PDE4B: variants seen among roughly 807,000 people sequenced by gnomAD.
The protein encoded by PDE4B is phosphodiesterase 4B, also known as 3',5'-cyclic-AMP phosphodiesterase 4B.
In PDE4B, 20 loss-of-function variants were observed where a neutral mutation model predicts 82.2. The ratio of observed to expected loss-of-function variants is 0.24; its 90% CI spans 0.17 to 0.35. The LOEUF (loss-of-function observed/expected upper bound fraction) is 0.35. Among genes scored for constraint, PDE4B ranks in the 10% least tolerant of loss-of-function variants. PDE4B has a pLI of 1.00. For missense variants in PDE4B, 655 were observed against 907.2 expected (o/e 0.72, Z 3.57); for synonymous variants, 320 against 318.9 (o/e 1.00, Z -0.04).
chr1:66,203,082 T>G (rs569457106), intron 3 of PDE4B, among the ~76,000 whole-genome samples: 85 of 146,754 alleles, frequency 5.8e-4, no homozygotes, highest in Non-Finnish European at 1.2e-3. Context: ...GTCTGTAAAG[T>G]ATTTTATTTC....
intron 3 of PDE4B, among the ~76,000 whole-genome samples, chr1:66,209,694 G>T (rs1053908465): frequency 3.9e-5 from 6 of 152,024 alleles, no homozygotes; most frequent in African/African-American, 1.4e-4. Context: ...CTTACTCCTT[G>T]CCCCAGGCTA....
intron 1 of PDE4B, among the ~76,000 whole-genome samples, chr1:65,849,664 A>T (rs911660663): frequency 5.3e-5 from 8 of 152,138 alleles, no homozygotes; most frequent in African/African-American, 1.9e-4. Context: ...GAAGCTGGCC[A>T]TGAGAACATG....
At chr1:66,151,814 C>T (rs1269672255) in intron 3 of PDE4B, among the ~76,000 whole-genome samples, 1 of 152,148 alleles carries the variant, frequency 6.6e-6, no homozygotes, top group South Asian at 2.1e-4. Context: ...ACATAGTAGA[C>T]ACTCAATAAA....
chr1:66,279,482 A>C (rs1316898220), intron 7 of PDE4B, among the ~76,000 whole-genome samples: 1 of 152,136 alleles, frequency 6.6e-6, no homozygotes, highest in Non-Finnish European at 1.5e-5. Context: ...AAAATTAGCC[A>C]GATGTGGTGG....
At chr1:65,899,127 C>A (rs1646943246) in intron 1 of PDE4B, among the ~76,000 whole-genome samples, 1 of 151,306 alleles carries the variant, frequency 6.6e-6, no homozygotes, top group Non-Finnish European at 1.5e-5. Context: ...AAGAAAAAAA[C>A]AAAAAAATCC....
At chr1:65,944,991 G>T (rs1648634729) in intron 3 of PDE4B, among the ~76,000 whole-genome samples, 1 of 151,950 alleles carries the variant, frequency 6.6e-6, no homozygotes, top group Admixed American at 6.6e-5. Flanking sequence ...GATCATCAAG[G>T]AAAGTTAAGG....
intron 3 of PDE4B, among the ~76,000 whole-genome samples, chr1:66,107,137 G>A (rs1645380404): frequency 2.0e-5 from 3 of 150,728 alleles, no homozygotes; most frequent in South Asian, 2.1e-4. Flanking sequence ...GGTATGTTGT[G>A]TCTTTGTTCT....
At chr1:66,294,940 G>A (rs1401412038) in intron 7 of PDE4B, among the ~76,000 whole-genome samples, 1 of 152,132 alleles carries the variant, frequency 6.6e-6, no homozygotes, top group African/African-American at 2.4e-5. Context: ...AAACATAGCT[G>A]GCTCAGAGAA....
intron 3 of PDE4B, among the ~76,000 whole-genome samples, chr1:66,103,196 G>A (rs1645261149): frequency 6.6e-6 from 1 of 152,126 alleles, no homozygotes. Flanking sequence ...GTTGAAATGA[G>A]TTGTTGCTAT....
chr1:65,847,396 A>G (rs903166219), intron 1 of PDE4B, among the ~76,000 whole-genome samples: 1 of 152,202 alleles, frequency 6.6e-6, no homozygotes, highest in Non-Finnish European at 1.5e-5. Context: ...CATGACAGCT[A>G]TGGCTGGGGC....
intron 7 of PDE4B, among the ~76,000 whole-genome samples, chr1:66,314,004 G>A (rs952797891): frequency 6.6e-6 from 1 of 152,030 alleles, no homozygotes; most frequent in Non-Finnish European, 1.5e-5. Context: ...TTCTGCTCTT[G>A]TGTCCCACTC....
At chr1:65,969,327 C>T (rs1257467706) in intron 3 of PDE4B, among the ~76,000 whole-genome samples, 6 of 152,070 alleles carry the variant, frequency 3.9e-5, no homozygotes, top group African/African-American at 1.2e-4. Flanking sequence ...GTGGTTATAT[C>T]CAGTTATAAA....
Position 65,937,352 on chromosome 1 carries a change from G to C in PDE4B, c.281+18517G>C, listed in dbSNP as rs1195147095. On this transcript the variant is annotated intron_variant, in intron 3 of 16. Coordinates refer to ENST00000341517, the MANE Select transcript of PDE4B (RefSeq NM_002600.4). ...AAGTGGTTGGTTCACTGAGGTGGGG[G>C]CTCTGAAACACAGGATGTGCTTTAT... Among the ~76,000 whole-genome samples the C allele has an allele frequency of 2.6e-5, 4 of 152,196 alleles. No individual in the cohort carries two copies. In the East Asian group the frequency reaches 7.7e-4, roughly 29 times the overall value.
chr1:65,934,532 C>T (rs1648015815), intron 3 of PDE4B, among the ~76,000 whole-genome samples: 1 of 152,186 alleles, frequency 6.6e-6, no homozygotes, highest in South Asian at 2.1e-4. Context: ...AAATTTTTCT[C>T]TATCAATGCT....
intron 1 of PDE4B, among the ~76,000 whole-genome samples, chr1:65,863,546 T>C (rs1331229087): frequency 6.6e-6 from 1 of 152,204 alleles, no homozygotes; most frequent in African/African-American, 2.4e-5. Flanking sequence ...TGAGTTCAAG[T>C]CCTGAATATG....
intron 7 of PDE4B, among the ~76,000 whole-genome samples, chr1:66,324,044 A>G (rs1286465881): frequency 6.6e-6 from 1 of 152,204 alleles, no homozygotes; most frequent in African/African-American, 2.4e-5. Context: ...TCGTTAGCAT[A>G]TAAATGCCAA....
intron 3 of PDE4B, among the ~76,000 whole-genome samples, chr1:65,949,384 A>G (rs1648879119): frequency 6.6e-6 from 1 of 152,088 alleles, no homozygotes; most frequent in Non-Finnish European, 1.5e-5. Flanking sequence ...TGTTTACTGT[A>G]GGCCTTTCCT....
At chr1:65,800,101 A>T (rs186404177) in intron 1 of PDE4B, among the ~76,000 whole-genome samples, 1 of 152,238 alleles carries the variant, frequency 6.6e-6, no homozygotes, top group Non-Finnish European at 1.5e-5. Flanking sequence ...AAGGGTAAAA[A>T]CAAAAGCACA....
intron 3 of PDE4B, among the ~76,000 whole-genome samples, chr1:66,107,354 A>G (rs1295511187): frequency 2.0e-5 from 3 of 151,964 alleles, no homozygotes; most frequent in Non-Finnish European, 4.4e-5. Flanking sequence ...TGCACACCTG[A>G]ATTGAGAAAA....
Sources: allele counts gnomAD v4.1 joint callset (sites outside exome capture counted in the v4.1 genomes callset), GRCh38; gene constraint gnomAD v4.1.1; transcripts MANE v1.5; gene names NCBI Gene and HGNC (gene_info 2026-07-23, HGNC 2026-07-21).